Variants in OGDHL observed in about 807,000 individuals in gnomAD.
OGDHL encodes oxoglutarate dehydrogenase L.
Under a neutral mutation model 109.6 loss-of-function variants are expected in OGDHL, and 79 were observed. That is an observed-to-expected ratio of 0.72 (90% CI 0.60 to 0.87). The LOEUF (loss-of-function observed/expected upper bound fraction) is 0.87, where lower values mean the gene tolerates loss of function less well. OGDHL is among the 40% of genes least tolerant of loss of function. The probability of loss-of-function intolerance (pLI) is 0.00; values close to 1 mark genes in which losing one functional copy is unlikely to be tolerated. For missense variants in OGDHL, 1,275 were observed against 1,362.2 expected (o/e 0.94, Z 1.01); for synonymous variants, 528 against 537.2 (o/e 0.98, Z 0.24).
chr10:49,739,429 C>G (rs1033156138), intron 17 of OGDHL: 2 of 494,712 alleles, frequency 4.0e-6, no homozygotes, highest in Non-Finnish European at 7.1e-6. Context: ...TGAACAGTGC[C>G]TGGCGCACAG....
intron 3 of OGDHL, 146 bp from the exon 4 acceptor site, chr10:49,752,886 G>T (rs1210450122): frequency 1.6e-6 from 1 of 618,470 alleles, no homozygotes; most frequent in South Asian, 2.0e-5. Flanking sequence ...CTTCACTGCT[G>T]CCTGCGAGAC....
chr10:49,742,922 A>G lies in OGDHL; in HGVS notation c.1918T>C (p.Trp640Arg), dbSNP rs1841891640. 1 of 1,614,058 alleles carries G rather than the reference A, an allele frequency of 6.2e-7. No homozygotes were observed. The highest frequency in any genetic ancestry group is 1.1e-5 in the South Asian group (1 of 91,088). ...AAGGCCATGTACTCTGCCAACGCCC[A>G]GTCCACCGTCCGGTTCTTGGTCATG... ...ADMTKNRTVD[W>R]ALAEYMAFGS... The change falls in exon 15 of 23, where the codon TGG (tryptophan) becomes CGG (arginine). Residue 640 changes from tryptophan to arginine, a missense_variant. Trp to Arg is a moderately radical substitution (Grantham distance 101). Coordinates refer to ENST00000374103, the MANE Select transcript of OGDHL (RefSeq NM_018245.3).
intron 8 of OGDHL, among the ~76,000 whole-genome samples, chr10:49,749,123 C>G (rs1042873993): frequency 2.0e-5 from 3 of 152,116 alleles, no homozygotes; most frequent in African/African-American, 7.2e-5. Flanking sequence ...GCAGGAGAAT[C>G]GCTTGAACCC....
intron 3 of OGDHL, among the ~76,000 whole-genome samples, chr10:49,754,092 C>T (rs1273702236): frequency 6.6e-6 from 1 of 152,138 alleles, no homozygotes; most frequent in Non-Finnish European, 1.5e-5. Context: ...TCAGTATAAA[C>T]CCTTTCCTGG....
Position 49,738,084 on chromosome 10 carries a change from AG to A in OGDHL, c.2392-13del, listed in dbSNP as rs756661083. 10 of 1,614,114 alleles carry A rather than the reference AG, an allele frequency of 6.2e-6. No homozygotes were observed. Among genetic ancestry groups the A allele is most frequent in the Non-Finnish European group, 7.6e-6 (9 of 1,180,010 alleles). On this transcript the variant is annotated splice_polypyrimidine_tract_variant and intron_variant, in intron 18 of 22. Transcript: ENST00000374103. ...TCCTTGGTGAATGCCTGTGGGGACG[AG>A]ATGCATATGGCCAGGGTGGCTGTCT...
intron 1 of OGDHL, among the ~76,000 whole-genome samples, chr10:49,759,104 G>T (rs1047950213): frequency 6.6e-6 from 1 of 152,134 alleles, no homozygotes; most frequent in Non-Finnish European, 1.5e-5. Context: ...GTGAGCACAG[G>T]TGTCGGGGGT....
chr10:49,758,930 C>T (rs1254086407), intron 1 of OGDHL, among the ~76,000 whole-genome samples: 1 of 151,806 alleles, frequency 6.6e-6, no homozygotes, highest in Non-Finnish European at 1.5e-5. Context: ...AGGGAGCACC[C>T]ACCTAGGTCC....
In OGDHL at chr10:49,739,481, GCAT is replaced by G. The variant is rs1841474356; in HGVS notation, c.2319+177_2319+179del. ...GTAGCGCCTTCTGCTGCCAGGGGTA[GCAT>G]CATCGTCTCAGCAGCTGCAGCATGC... On this transcript the variant is annotated intron_variant, in intron 17 of 22. Coordinates refer to ENST00000374103, the MANE Select transcript of OGDHL (RefSeq NM_018245.3). The G allele has an allele frequency of 1.2e-5, 8 of 649,532 alleles. No homozygotes were observed. In the East Asian group the frequency reaches 2.3e-4, roughly 19 times the overall value. The allele number at this position is 649,532 out of a possible 1,614,324, so 40.2% of individuals were successfully genotyped here. A position where few individuals can be genotyped will look rare whatever the true frequency, so the allele number is the denominator to read the frequency against.
At position 49,737,858 on chromosome 10, in the gene OGDHL, G is replaced by A. The variant is rs1225771541; in HGVS notation, c.2518C>T (p.Leu840=). 2 of 1,614,074 alleles carry A rather than the reference G, an allele frequency of 1.2e-6. No homozygotes were observed. The highest frequency in any genetic ancestry group is 1.7e-6 in the Non-Finnish European group (2 of 1,180,044). ...AGAGATTTAGGTGTGAAGATAATCA[G>A]CTGGAAGGGAAATACACGCCCAGCT... ...RQILLPFRKP[L]IIFTPKSLLR... The change falls in exon 20 of 23, where the codon CTG becomes TTG. Residue 840 remains leucine (L), a splice_region_variant and synonymous_variant. Transcript: ENST00000374103.
In OGDHL at chr10:49,752,264, T is replaced by C. The variant is rs762158254; in HGVS notation, c.479-16A>G. On this transcript the variant is annotated splice_polypyrimidine_tract_variant and intron_variant, in intron 4 of 22. Coordinates refer to ENST00000374103, the MANE Select transcript of OGDHL (RefSeq NM_018245.3). ...TCATAGAAGGCTGGAGAAGGAGGCGTGGCCGAGCCCCGGGCAGCAAAGTGG... is the reference window on the plus strand; with the variant it reads ...TCATAGAAGGCTGGAGAAGGAGGCGCGGCCGAGCCCCGGGCAGCAAAGTGG... 6.2e-7 allele frequency: 1 copy of C among 1,603,224 alleles called. No individual in the cohort carries two copies. The highest frequency in any genetic ancestry group is 8.5e-7 in the Non-Finnish European group (1 of 1,171,154).
chr10:49,745,306 A>T (rs375080660), intron 12 of OGDHL, 38 bp downstream of exon 12: 4 of 1,608,124 alleles, frequency 2.5e-6, no homozygotes, highest in Admixed American at 1.7e-5. Context: ...TCCCCACCCA[A>T]AGTTTGTCTT....
In OGDHL at chr10:49,745,480, C is replaced by T. The variant is rs764443387; in HGVS notation, c.1493G>A (p.Arg498His). The T allele has an allele frequency of 2.0e-5, 32 of 1,613,842 alleles. No individual in the cohort carries two copies. The highest frequency in any genetic ancestry group is 2.5e-5 in the Non-Finnish European group (29 of 1,180,052). Residue 498 changes from arginine to histidine, a missense_variant, in exon 12 of 23, where the codon CGT (arginine) becomes CAT (histidine). Arg to His is a conservative substitution (Grantham distance 29). Coordinates refer to ENST00000374103, the MANE Select transcript of OGDHL (RefSeq NM_018245.3). ...VVVDLVCYRR[R>H]GHNEMDEPMF... is the part of the protein sequence containing the mutation. ...GGGCTCGTCCATCTCATTGTGGCCA[C>T]GCCGGCGGTAACAGACCTGCAGGAG...
At chr10:49,756,743 AG>A in intron 3 of OGDHL, 32 bp downstream of exon 3, 3 of 1,589,870 alleles carry the variant, frequency 1.9e-6, no homozygotes, top group Non-Finnish European at 2.6e-6. Context: ...GAGCCAGTGC[AG>A]CCTCCCAGGC....
intron 20 of OGDHL, among the ~76,000 whole-genome samples, chr10:49,737,399 G>A (rs1217815368): frequency 6.6e-6 from 1 of 152,122 alleles, no homozygotes; most frequent in African/African-American, 2.4e-5. Context: ...AGGGAAATAA[G>A]GCCAAAGACT....
In OGDHL at chr10:49,752,649, A is replaced by G. The variant is rs756049119; in HGVS notation, c.467T>C (p.Ile156Thr). The G allele has an allele frequency of 1.5e-5, 24 of 1,613,946 alleles. No homozygotes were observed. The highest frequency in any genetic ancestry group is 2.0e-5 in the Non-Finnish European group (24 of 1,179,912). Residue 156 changes from isoleucine to threonine, a missense_variant, in exon 4 of 23, where the codon ATT becomes ACT. Ile to Thr is a moderately conservative substitution (Grantham distance 89). Coordinates refer to ENST00000374103, the MANE Select transcript of OGDHL (RefSeq NM_018245.3). ...AGGAAGGGTCTTACCCAGTTTATCAATGGTTGTGATCAAGTCTGAGGGCAC... is the reference window on the plus strand; with the variant it reads ...AGGAAGGGTCTTACCCAGTTTATCAGTGGTTGTGATCAAGTCTGAGGGCAC... Reference protein sequence around the residue: ...SFVPSDLITTIDKLAFYDLQE... With the variant: ...SFVPSDLITTTDKLAFYDLQE...
chr10:49,746,913 G>A (rs1403522171), intron 9 of OGDHL, 35 bp from the exon 10 acceptor site: 1 of 1,613,434 alleles, frequency 6.2e-7, no homozygotes, highest in East Asian at 2.2e-5. Context: ...GGGGCTGCGT[G>A]CCCCAGCCCA....
chr10:49,735,249 G>A lies in OGDHL; in HGVS notation c.3012C>T (p.Ala1004=). ...KFLDTAFNLQ[A]FEGKTF ...AGCTCTAAAATGTCTTGCCCTCAAA[G>A]GCCTGGAGATTGAAGGCAGTATCCA... is the stretch of plus-strand genomic sequence containing the variant. Residue 1004 remains alanine, a synonymous_variant, in exon 23 of 23, where the codon GCC becomes GCT. Transcript: ENST00000374103. 8 of 1,614,056 alleles carry A rather than the reference G, an allele frequency of 5.0e-6. No individual in the cohort carries two copies. The highest frequency in any genetic ancestry group is 1.1e-5 in the South Asian group (1 of 91,062).
At chr10:49,743,136 T>C (rs985833865) in intron 14 of OGDHL, among the ~76,000 whole-genome samples, 158 bp from the exon 15 acceptor site, 3 of 152,162 alleles carry the variant, frequency 2.0e-5, no homozygotes, top group African/African-American at 7.2e-5. Flanking sequence ...CAGGCACCCC[T>C]CCTCCAGCTG....
At chr10:49,735,501 T>A in intron 22 of OGDHL, 150 bp from the exon 23 acceptor site, 1 of 843,186 alleles carries the variant, frequency 1.2e-6, no homozygotes, top group Non-Finnish European at 1.8e-6. Flanking sequence ...CCACTTCCAA[T>A]GAGCTGCAAA....
Sources: gnomAD v4.1 joint callset for allele counts (sites outside exome capture counted in the v4.1 genomes callset) on GRCh38, gnomAD v4.1.1 for gene constraint, MANE v1.5 for transcripts, NCBI Gene and HGNC (gene_info 2026-07-23, HGNC 2026-07-21) for gene names.